ZNF385D: variants seen among roughly 807,000 people sequenced by gnomAD.
ZNF385D encodes zinc finger protein 659.
ZNF385D carries 15 observed loss-of-function variants against 35.8 expected under a neutral mutation model. The ratio of observed to expected loss-of-function variants is 0.42; its 90% CI spans 0.28 to 0.64. The LOEUF is 0.64. Among genes scored for constraint, ZNF385D ranks in the 30% least tolerant of loss-of-function variants. The pLI is 0.23. For missense variants in ZNF385D, 474 were observed against 494.6 expected, an observed-to-expected ratio of 0.96 and a Z score of 0.39; for synonymous variants, 212 against 186.8, an observed-to-expected ratio of 1.13 and a Z score of -1.10.
chr3:21,941,883 T>G (rs1005563745), intron 3 of ZNF385D, among the ~76,000 whole-genome samples: 5 of 152,148 alleles, frequency 3.3e-5, no homozygotes, highest in Admixed American at 2.0e-4. Flanking sequence ...AAAATAAAAA[T>G]TATTTTTTAG....
At chr3:22,020,296 G>A (rs1697146731) in intron 3 of ZNF385D, among the ~76,000 whole-genome samples, 1 of 151,898 alleles carries the variant, frequency 6.6e-6, no homozygotes, top group Non-Finnish European at 1.5e-5. Context: ...GAGTGGAAAT[G>A]CTGCATGTAT....
At chr3:21,543,491 G>A (rs1271251896) in intron 3 of ZNF385D, among the ~76,000 whole-genome samples, 2 of 152,148 alleles carry the variant, frequency 1.3e-5, no homozygotes, top group Admixed American at 1.3e-4. Flanking sequence ...TTGCGGGGCT[G>A]GGATGCATGG....
At chr3:21,672,069 T>C (rs1440266800) in intron 1 of ZNF385D, among the ~76,000 whole-genome samples, 2 of 152,162 alleles carry the variant, frequency 1.3e-5, no homozygotes, top group Non-Finnish European at 2.9e-5. Flanking sequence ...AATTTTCCTG[T>C]TGGGATTTTT....
chr3:22,197,576 C>G lies in ZNF385D; in HGVS notation c.107-28541G>C, dbSNP rs186045407. 7.3e-3 allele frequency among the ~76,000 whole-genome samples: 1,108 copies of G among 152,196 alleles called. 18 individuals are homozygous for G. Among genetic ancestry groups the G allele is most frequent in the Non-Finnish European group, 6.9e-3 (470 of 67,990 alleles). On this transcript the variant is annotated intron_variant, in intron 2 of 5. Transcript: ENST00000494108. ...TCTTCCAGGGAATGGGCTTTGGGCC[C>G]TTACTCCTAGAGTGCAGGTCTTCAG...
intron 2 of ZNF385D, among the ~76,000 whole-genome samples, chr3:22,175,853 T>C (rs1694793769): frequency 6.7e-6 from 1 of 150,090 alleles, no homozygotes; most frequent in Non-Finnish European, 1.5e-5. Flanking sequence ...AATCTTCCTC[T>C]ATATTCAAGA....
At chr3:22,296,518 C>T (rs13082422) in intron 2 of ZNF385D, among the ~76,000 whole-genome samples, 58,080 of 151,926 alleles carry the variant, frequency 0.38, 11,161 homozygotes, top group African/African-American at 0.39. Flanking sequence ...GGACAGGGAA[C>T]GCCTTCAGAC....
At chr3:21,764,595 T>A (rs2070750800) in intron 3 of ZNF385D, among the ~76,000 whole-genome samples, 1 of 152,206 alleles carries the variant, frequency 6.6e-6, no homozygotes, top group Non-Finnish European at 1.5e-5. Context: ...CTTGTCTAGT[T>A]GGAAATCACC....
At chr3:22,287,732 T>C (rs909674512) in intron 2 of ZNF385D, among the ~76,000 whole-genome samples, 2 of 152,038 alleles carry the variant, frequency 1.3e-5, no homozygotes, top group Non-Finnish European at 2.9e-5. Flanking sequence ...ATAGCTATAA[T>C]TGTTTGTAAT....
chr3:21,882,495 TA>T, intron 3 of ZNF385D, among the ~76,000 whole-genome samples: 2 of 152,096 alleles, frequency 1.3e-5, no homozygotes, highest in Admixed American at 1.3e-4. Context: ...ATAACTTTTA[TA>T]TGCACTAGAA....
chr3:21,717,406 T>G (rs1356743750), intron 1 of ZNF385D, among the ~76,000 whole-genome samples: 1 of 152,200 alleles, frequency 6.6e-6, no homozygotes, highest in Non-Finnish European at 1.5e-5. Flanking sequence ...TTCAAATCCC[T>G]TGTGATGACT....
intron 3 of ZNF385D, among the ~76,000 whole-genome samples, chr3:21,870,719 G>T (rs375435430): frequency 6.6e-6 from 1 of 152,072 alleles, no homozygotes; most frequent in Non-Finnish European, 1.5e-5. Flanking sequence ...ATAGGCGTGC[G>T]TGTGTGCGTG....
At chr3:21,765,173 C>G (rs1233863767) in intron 3 of ZNF385D, among the ~76,000 whole-genome samples, 2 of 151,880 alleles carry the variant, frequency 1.3e-5, no homozygotes, top group African/African-American at 4.8e-5. Flanking sequence ...CAAAAGGATA[C>G]GCATGTATAA....
chr3:21,763,185 A>G (rs1270780284), intron 3 of ZNF385D, among the ~76,000 whole-genome samples: 1 of 152,168 alleles, frequency 6.6e-6, no homozygotes, highest in African/African-American at 2.4e-5. Context: ...TGATTTTGCA[A>G]TTAGTCTGAG....
chr3:21,515,764 C>A (rs1236104153), intron 3 of ZNF385D, among the ~76,000 whole-genome samples: 1 of 152,156 alleles, frequency 6.6e-6, no homozygotes, highest in East Asian at 1.9e-4. Flanking sequence ...TTGTTCAGGG[C>A]TGAAACCACC....
chr3:21,509,847 C>G (rs989381960), intron 4 of ZNF385D, among the ~76,000 whole-genome samples: 2 of 152,170 alleles, frequency 1.3e-5, no homozygotes. Flanking sequence ...CTTACAGATT[C>G]ACTTGCAGCA....
Position 22,281,417 on chromosome 3 carries a change from C to G in ZNF385D, c.106+91033G>C, listed in dbSNP as rs377191524. 8.5e-5 allele frequency among the ~76,000 whole-genome samples: 13 copies of G among 152,104 alleles called. No homozygotes were observed. The South Asian group carries it at 2.7e-3, about 32-fold the overall frequency. On this transcript the variant is annotated intron_variant, in intron 2 of 5. Coordinates refer to the ZNF385D transcript ENST00000494108. ...TACCCTAAGATATGTCCCTTCTATG[C>G]CAATTTTGCAGAGGGTTTTAATCAC...
At chr3:22,279,702 C>T (rs1163320894) in intron 2 of ZNF385D, among the ~76,000 whole-genome samples, 1 of 151,272 alleles carries the variant, frequency 6.6e-6, no homozygotes, top group East Asian at 1.9e-4. Context: ...AGAATTTGGG[C>T]TGGTGCCATA....
In ZNF385D at chr3:21,953,028, T is replaced by C. The variant is rs1266657477; in HGVS notation, c.325+215789A>G. On this transcript the variant is annotated intron_variant, in intron 3 of 5. Transcript: ENST00000494108. ...AATCACAAAATCAAGATTGCAGGTA[T>C]CTAGTTTCTTTATTTTCCAGCTTTA... 2.0e-5 allele frequency among the ~76,000 whole-genome samples: 3 copies of C among 151,946 alleles called. No homozygotes were observed. The East Asian group carries it at 5.8e-4, about 29-fold the overall frequency.
intron 3 of ZNF385D, among the ~76,000 whole-genome samples, chr3:22,047,766 A>G (rs1414846187): frequency 6.6e-6 from 1 of 152,164 alleles, no homozygotes; most frequent in Non-Finnish European, 1.5e-5. Flanking sequence ...TATACCCAGA[A>G]GTGGGATTGC....
Sources: allele counts gnomAD v4.1 joint callset (sites outside exome capture counted in the v4.1 genomes callset), GRCh38; gene constraint gnomAD v4.1.1; transcripts MANE v1.5; gene names NCBI Gene and HGNC (gene_info 2026-07-23, HGNC 2026-07-21).